Variants in PI4KA observed in about 807,000 individuals in gnomAD.
The protein encoded by PI4KA is PI4-kinase alpha.
In PI4KA, 122 loss-of-function variants were observed where a neutral mutation model predicts 271.4. The ratio of observed to expected loss-of-function variants is 0.45; its 90% CI spans 0.39 to 0.52. The LOEUF is 0.52. Among genes scored for constraint, PI4KA ranks in the 20% least tolerant of loss-of-function variants. The pLI is 0.00. For missense variants in PI4KA, 1,969 were observed against 2,769.1 expected (o/e 0.71, Z 6.48); for synonymous variants, 1,041 against 1,078.8 (o/e 0.96, Z 0.69).
rs899208028 is a variant in PI4KA at position 20,745,531 on chromosome 22, A to T, written c.3364-811T>A. Among the ~76,000 whole-genome samples, 11 of 152,206 alleles carry T rather than the reference A, an allele frequency of 7.2e-5. 1 individual carries two copies. Among genetic ancestry groups the T allele is most frequent in the African/African-American group, 2.4e-4 (10 of 41,436 alleles). ...AAAGAGGACCAGGAGAAGAAAATAC[A>T]GATGTTGGGGAACATCAAAATATAA... On this transcript the variant is annotated intron_variant, in intron 29 of 54. Transcript: ENST00000255882.
At chr22:20,728,398 A>T (rs1282402865) in intron 39 of PI4KA, among the ~76,000 whole-genome samples, 3 of 152,234 alleles carry the variant, frequency 2.0e-5, no homozygotes, top group African/African-American at 7.2e-5. Context: ...TTTCTTAAAG[A>T]AACAGGAATT....
intron 28 of PI4KA, 89 bp from the exon 29 acceptor site, chr22:20,747,791 G>A (rs1930273445): frequency 1.5e-6 from 2 of 1,321,720 alleles, no homozygotes; most frequent in Non-Finnish European, 2.1e-6. Flanking sequence ...CTGGAGTGTG[G>A]TGGCACGATC....
intron 9 of PI4KA, among the ~76,000 whole-genome samples, chr22:20,809,157 A>T (rs1310314797): frequency 6.6e-6 from 1 of 152,178 alleles, no homozygotes; most frequent in Non-Finnish European, 1.5e-5. Flanking sequence ...TGACTCTGGG[A>T]GTCCAGACAA....
At chr22:20,824,700 C>T (rs1263120730) in intron 3 of PI4KA, among the ~76,000 whole-genome samples, 2 of 150,964 alleles carry the variant, frequency 1.3e-5, no homozygotes, top group African/African-American at 4.9e-5. Context: ...ATGACAGATT[C>T]AATTTTTTAT....
intron 36 of PI4KA, among the ~76,000 whole-genome samples, chr22:20,730,280 TTATTTA>T (rs962118141): frequency 4.6e-4 from 27 of 58,824 alleles, no homozygotes; most frequent in Non-Finnish European, 8.6e-4. Flanking sequence ...ATTTATTTAC[TTATTTA>T]TTTTTGAGAT....
chr22:20,851,997 G>A (rs1332515981), intron 1 of PI4KA, among the ~76,000 whole-genome samples: 2 of 152,054 alleles, frequency 1.3e-5, no homozygotes, highest in African/African-American at 2.4e-5. Context: ...GGTGGCGGGC[G>A]CCTGTAGTCC....
chr22:20,710,476 C>T (rs570154479), intron 52 of PI4KA: 50 of 590,724 alleles, frequency 8.5e-5, no homozygotes, highest in African/African-American at 6.7e-4. Context: ...TGGCTGAAGG[C>T]GTGGGCAGGA....
rs528037838 is a variant in PI4KA at position 20,824,377 on chromosome 22, C to T, written c.405G>A (p.Leu135=). 101 of 1,613,402 alleles carry T rather than the reference C, an allele frequency of 6.3e-5. 1 individual carries two copies. The East Asian group carries it at 2.1e-3, about 33-fold the overall frequency. The part of the protein sequence containing the change: ...LPVAESFSFC[L]VTLLSDVAYR... ...AGGCCACATCAGACAGCAGAGTTAC[C>T]AAGCAGAAGCTGAAGCTCTCTGCAA... Residue 135 remains leucine (L), a synonymous_variant, in exon 4 of 55, where the codon TTG becomes TTA. Transcript: ENST00000255882.
chr22:20,815,441 A>G (rs1470471197), intron 7 of PI4KA, among the ~76,000 whole-genome samples: 1 of 152,090 alleles, frequency 6.6e-6, no homozygotes, highest in Non-Finnish European at 1.5e-5. Context: ...ATTGAAAAAC[A>G]GATGAATTTG....
At chr22:20,732,865 G>C in intron 36 of PI4KA, 106 bp downstream of exon 36, 7 of 1,292,302 alleles carry the variant, frequency 5.4e-6, no homozygotes, top group Non-Finnish European at 7.8e-6. Flanking sequence ...GGCTCAGGGG[G>C]GTCTAACTGC....
intron 1 of PI4KA, among the ~76,000 whole-genome samples, chr22:20,851,186 C>CCT (rs1926923811): frequency 9.9e-6 from 1 of 100,810 alleles, no homozygotes; most frequent in Non-Finnish European, 1.9e-5. Flanking sequence ...ACAGTGAGAC[C>CCT]CTATCTATTT....
At chr22:20,731,202 A>G (rs950919003) in intron 36 of PI4KA, among the ~76,000 whole-genome samples, 7 of 152,188 alleles carry the variant, frequency 4.6e-5, no homozygotes, top group African/African-American at 9.7e-5. Flanking sequence ...AAAATAAAAT[A>G]GAATAAAACA....
intron 44 of PI4KA, among the ~76,000 whole-genome samples, 192 bp downstream of exon 44, chr22:20,718,501 G>A (rs1342624909): frequency 6.6e-5 from 10 of 152,154 alleles, no homozygotes; most frequent in Non-Finnish European, 8.8e-5. Flanking sequence ...AAGAGCCCTG[G>A]CTCACCCCAA....
At chr22:20,844,926 A>T (rs1435105152) in intron 1 of PI4KA, among the ~76,000 whole-genome samples, 2 of 152,172 alleles carry the variant, frequency 1.3e-5, no homozygotes, top group Non-Finnish European at 2.9e-5. Flanking sequence ...GGCTTTTCAG[A>T]ATCAGAATTT....
At chr22:20,812,699 A>T (rs1295718050) in intron 8 of PI4KA, among the ~76,000 whole-genome samples, 2 of 152,090 alleles carry the variant, frequency 1.3e-5, no homozygotes, top group African/African-American at 4.8e-5. Context: ...GATTACAGGG[A>T]TCCACTACCA....
At position 20,741,856 on chromosome 22, in the gene PI4KA, T is replaced by C. The variant is rs1164522638; in HGVS notation, c.3741+372A>G. Among the ~76,000 whole-genome samples, 3 of 152,162 alleles carry C rather than the reference T, an allele frequency of 2.0e-5. 1 individual carries two copies. The highest frequency in any genetic ancestry group is 4.4e-5 in the Non-Finnish European group (3 of 68,038). ...GCAGTAGCAACTCCAGAAATACGGA[T>C]GCAGGGAAAGGGGGCTGATCCCAAG... On this transcript the variant is annotated intron_variant, in intron 32 of 54. Transcript: ENST00000255882.
In PI4KA at chr22:20,749,976, C is replaced by T. The variant is rs758813405; in HGVS notation, c.3172G>A (p.Ala1058Thr). 3.1e-6 allele frequency: 5 copies of T among 1,613,078 alleles called. No individual in the cohort carries two copies. Among genetic ancestry groups the T allele is most frequent in the Non-Finnish European group, 3.4e-6 (4 of 1,179,066 alleles). The change falls in exon 28 of 55, where the codon GCT becomes ACT. Residue 1058 changes from alanine to threonine, a missense_variant. By Grantham distance (58) the Ala-to-Thr change is moderately conservative. Around this residue, in one of 13 missense-constraint regions of PI4KA, gnomAD observed 368 missense variants for 544.3 expected, o/e 0.68. Coordinates refer to ENST00000255882, the MANE Select transcript of PI4KA (RefSeq NM_058004.4). Reference sequence around the variant, plus strand: ...TGGAGGATCATCCCACAGCGTGCAGCGAAGTCCTTCACAATGCTCTGGAAG... The same window carrying T: ...TGGAGGATCATCCCACAGCGTGCAGTGAAGTCCTTCACAATGCTCTGGAAG... ...EARESIVKDF[A>T]ARCGMILQEA...
At chr22:20,790,704 ACAC>A (rs1934579088) in intron 19 of PI4KA, among the ~76,000 whole-genome samples, 1 of 42,612 alleles carries the variant, frequency 2.3e-5, no homozygotes, top group Admixed American at 2.7e-4. Flanking sequence ...AAACAAACAC[ACAC>A]ACACACACAC....
rs191539042 is a variant in PI4KA, at chr22:20,772,613, G to C, written c.2329-6920C>G. On this transcript the variant is annotated intron_variant, in intron 19 of 54. Transcript: ENST00000255882. ...CGGAGCAATGCACAGACACCCCCATGGGCCCCTTGCACACCCGCAGATTCT... is the reference window on the plus strand; with the variant it reads ...CGGAGCAATGCACAGACACCCCCATCGGCCCCTTGCACACCCGCAGATTCT... 3.7e-4 allele frequency among the ~76,000 whole-genome samples: 56 copies of C among 152,224 alleles called. 1 individual carries two copies. The highest frequency in any genetic ancestry group is 3.4e-3 in the Middle Eastern group (1 of 294).
Sources: gnomAD v4.1 joint callset for allele counts (sites outside exome capture counted in the v4.1 genomes callset) on GRCh38, gnomAD v4.1.1 for gene constraint, gnomAD v4.1.1 regional missense constraint, MANE v1.5 for transcripts, NCBI Gene and HGNC (gene_info 2026-07-23, HGNC 2026-07-21) for gene names.